ANKS3: variants seen among roughly 807,000 people sequenced by gnomAD.
ANKS3 encodes ankyrin repeat and sterile alpha motif domain containing 3.
ANKS3 carries 62 observed loss-of-function variants against 80.7 expected under a neutral mutation model. That is an observed-to-expected ratio of 0.77 (90% CI 0.63 to 0.95). ANKS3 has a LOEUF of 0.95. Ranked by LOEUF, ANKS3 falls within the 40% of genes least tolerant of loss-of-function variation. The pLI, the probability that ANKS3 is intolerant of heterozygous loss-of-function variation, is 0.00. For missense variants in ANKS3, 1,150 were observed against 883.6 expected (o/e 1.30, Z -3.82); for synonymous variants, 489 against 355.3 (o/e 1.38, Z -4.23).
At chr16:4,724,944 A>G (rs905481925) in intron 5 of ANKS3, 113 bp from the exon 6 acceptor site, 10 of 797,640 alleles carry the variant, frequency 1.3e-5, no homozygotes, top group South Asian at 6.7e-5. Flanking sequence ...CCCTAAGCGT[A>G]GAACACTGTC....
chr16:4,700,927 T>G (rs746202464), intron 11 of ANKS3, 43 bp downstream of exon 11: 19 of 1,611,314 alleles, frequency 1.2e-5, no homozygotes, highest in Non-Finnish European at 1.6e-5. Flanking sequence ...TCACAAAAAG[T>G]GCCGTCTCTG....
At chr16:4,728,450 C>G (rs1033668829) in intron 3 of ANKS3, among the ~76,000 whole-genome samples, 4 of 152,158 alleles carry the variant, frequency 2.6e-5, no homozygotes, top group African/African-American at 9.7e-5. Flanking sequence ...GTCCTGATAC[C>G]AGGGTTCAGT....
intron 5 of ANKS3, chr16:4,725,043 C>G (rs2081285869): frequency 2.3e-6 from 1 of 434,940 alleles, no homozygotes; most frequent in Non-Finnish European, 4.1e-6. Flanking sequence ...CAGGGCTGGT[C>G]TTTGTCCTAA....
At chr16:4,720,293 C>G (rs2081022474) in intron 6 of ANKS3, among the ~76,000 whole-genome samples, 1 of 150,184 alleles carries the variant, frequency 6.7e-6, no homozygotes, top group African/African-American at 2.4e-5. Context: ...GAAACCCTGT[C>G]TCTACTAAAA....
intron 2 of ANKS3, among the ~76,000 whole-genome samples, chr16:4,730,955 T>C (rs533697325): frequency 2.6e-5 from 4 of 151,988 alleles, no homozygotes; most frequent in African/African-American, 7.3e-5. Context: ...CTAAAAAGGC[T>C]GCTATTATGA....
intron 6 of ANKS3, among the ~76,000 whole-genome samples, chr16:4,718,626 G>C (rs1263644334): frequency 6.6e-6 from 1 of 152,218 alleles, no homozygotes; most frequent in Admixed American, 6.5e-5. Context: ...GCTCCAGGTG[G>C]TCTAACTACT....
At chr16:4,732,286 C>G (rs1190111066) in intron 1 of ANKS3, among the ~76,000 whole-genome samples, 1 of 152,134 alleles carries the variant, frequency 6.6e-6, no homozygotes, top group Non-Finnish European at 1.5e-5. Context: ...ACCAAACGAG[C>G]TGAGGGTCAG....
At chr16:4,699,446 G>C in intron 11 of ANKS3, 1 of 495,168 alleles carries the variant, frequency 2.0e-6, no homozygotes, top group Non-Finnish European at 3.7e-6. Context: ...GCTCAGTTCT[G>C]TGAAGGGACC....
rs761356500 is a variant in ANKS3, at chr16:4,726,965, C to A, written c.369+14G>T. ...CCCCTCAGGTTTCTGGGCCTGAGTTCCCTCGTAGCTCACCTGGAGAAGAAA... is the reference window on the plus strand; with the variant it reads ...CCCCTCAGGTTTCTGGGCCTGAGTTACCTCGTAGCTCACCTGGAGAAGAAA... On this transcript the variant is annotated intron_variant, in intron 4 of 17. Transcript: ENST00000304283. 2.5e-6 allele frequency: 4 copies of A among 1,613,608 alleles called. No individual in the cohort carries two copies. In the African/African-American group the frequency reaches 5.3e-5, roughly 22 times the overall value.
chr16:4,705,094 C>A lies in ANKS3; in HGVS notation c.868+1G>T, dbSNP rs1267163643. On this transcript the variant is annotated splice_donor_variant, in intron 8 of 17. Coordinates refer to ENST00000304283, the MANE Select transcript of ANKS3 (RefSeq NM_133450.4). LOFTEE classifies it high-confidence loss of function. ...GCCCTCGGGAAACGCGGGCCACTCACCATAGCGAGGCCGTGGGGCTCTGCC... is the reference window on the plus strand; with the variant it reads ...GCCCTCGGGAAACGCGGGCCACTCAACATAGCGAGGCCGTGGGGCTCTGCC... 1 of 1,611,968 alleles carries A rather than the reference C, an allele frequency of 6.2e-7. No individual in the cohort carries two copies. The highest frequency in any genetic ancestry group is 1.7e-5 in the Admixed American group (1 of 59,956).
chr16:4,721,016 A>AG (rs1486250475), intron 6 of ANKS3, among the ~76,000 whole-genome samples: 1 of 149,002 alleles, frequency 6.7e-6, no homozygotes, highest in Non-Finnish European at 1.5e-5. Flanking sequence ...AAAAAAAAAA[A>AG]AAAGAGAGGC....
intron 11 of ANKS3, chr16:4,700,160 G>T (rs528990383): frequency 3.6e-4 from 55 of 153,028 alleles, no homozygotes; most frequent in Non-Finnish European, 7.1e-4. Context: ...GCTCACGCCT[G>T]TAATCCCAGC....
chr16:4,716,502 G>A (rs1395970673), intron 6 of ANKS3, among the ~76,000 whole-genome samples: 2 of 152,014 alleles, frequency 1.3e-5, no homozygotes, highest in South Asian at 2.1e-4. Flanking sequence ...GTGGTCTCTG[G>A]GCAGGGATAC....
At position 4,714,124 on chromosome 16, in the gene ANKS3, G is replaced by C; in HGVS notation, c.636C>G (p.Tyr212Ter). 6.2e-7 allele frequency: 1 copy of C among 1,614,176 alleles called. No homozygotes were observed. Among genetic ancestry groups the C allele is most frequent in the Non-Finnish European group, 8.5e-7 (1 of 1,180,038 alleles). ...GATARMLAKQYGHMKIVALMD... is the reference protein window; with the variant it reads ...GATARMLAKQ ...TCAAGGCCACGATCTTCATGTGTCC[G>C]TACTGCTTGGCCAGCATCCGGGCTG... Residue 212 changes from tyrosine (Y) to a stop codon, truncating the protein, a stop_gained, in exon 7 of 18, where the codon TAC becomes TAG. Coordinates refer to ENST00000304283, the MANE Select transcript of ANKS3 (RefSeq NM_133450.4). LOFTEE classifies it high-confidence loss of function.
At position 4,724,765 on chromosome 16, in the gene ANKS3, C is replaced by G. The variant is rs1243504570; in HGVS notation, c.558G>C (p.Gln186His). The G allele has an allele frequency of 1.2e-6, 2 of 1,613,804 alleles. No homozygotes were observed. The highest frequency in any genetic ancestry group is 1.1e-5 in the South Asian group (1 of 90,984). Residue 186 changes from glutamine to histidine, a missense_variant, in exon 6 of 18, where the codon CAG becomes CAC. By Grantham distance (24) the Gln-to-His change is conservative. Transcript: ENST00000304283. ...AAAAGHEIIVQYFLNHGVKVD... is the reference protein window; with the variant it reads ...AAAAGHEIIVHYFLNHGVKVD... The stretch of plus-strand genomic sequence containing the variant: ...GGTCACTTACGTGATTCAGAAAATA[C>G]TGCACGATTATCTCATGGCCAGCAG...
At chr16:4,701,924 C>G (rs938222523) in intron 9 of ANKS3, 178 bp downstream of exon 9, 36 of 777,764 alleles carry the variant, frequency 4.6e-5, no homozygotes, top group Non-Finnish European at 6.0e-5. Flanking sequence ...CACGGGGATG[C>G]TGGACCAGAA....
rs1444699413 is a variant in ANKS3, at chr16:4,734,162, T to G, written c.-295A>C. ...GGGCCGCCGCGGAACCCACCTGTGC[T>G]GGGCCTCAGGCCTTGCGCCGCCCTC... On this transcript the variant is annotated 5_prime_UTR_variant, in exon 1 of 18. Transcript: ENST00000304283. 1 of 398,258 alleles carries G rather than the reference T, an allele frequency of 2.5e-6. No individual in the cohort carries two copies. The highest frequency in any genetic ancestry group is 6.4e-5 in the Admixed American group (1 of 15,530). The allele number at this position is 398,258 out of a possible 1,614,324, so 24.7% of individuals were successfully genotyped here. A position where few individuals can be genotyped will look rare whatever the true frequency, so the allele number is the denominator to read the frequency against.
At position 4,730,108 on chromosome 16, in the gene ANKS3, C is replaced by A; in HGVS notation, c.42G>T (p.Leu14=). ...CGTGCCACATGGACAAGCTGCGGTT[C>A]AGGAGTTCCGGCTCGCTGGCTTCAT... ...LSDEASEPEL[L]NRSLSMWHGL... The change falls in exon 3 of 18, where the codon CTG becomes CTT. Residue 14 remains leucine, a synonymous_variant. Transcript: ENST00000304283. 6.3e-7 allele frequency: 1 copy of A among 1,592,278 alleles called. No homozygotes were observed. Among genetic ancestry groups the A allele is most frequent in the Non-Finnish European group, 8.6e-7 (1 of 1,166,988 alleles).
In ANKS3 at chr16:4,722,397, G is replaced by A. The variant is rs574356484; in HGVS notation, c.573+2353C>T. Among the ~76,000 whole-genome samples, 9 of 151,808 alleles carry A rather than the reference G, an allele frequency of 5.9e-5. No homozygotes were observed. The South Asian group carries it at 6.3e-4, about 11-fold the overall frequency. ...AGATCGAGACCATCCTGGCTAACACGGTGAAACCTTGTCTCTACTAAAAAT... is the reference window on the plus strand; with the variant it reads ...AGATCGAGACCATCCTGGCTAACACAGTGAAACCTTGTCTCTACTAAAAAT... On this transcript the variant is annotated intron_variant, in intron 6 of 17. Coordinates refer to ENST00000304283, the MANE Select transcript of ANKS3 (RefSeq NM_133450.4).
Sources: gnomAD v4.1 joint callset for allele counts (sites outside exome capture counted in the v4.1 genomes callset) on GRCh38, gnomAD v4.1.1 for gene constraint, MANE v1.5 for transcripts, NCBI Gene and HGNC (gene_info 2026-07-23, HGNC 2026-07-21) for gene names.